The following NAALADL2 variants were observed in gnomAD, a reference collection of about 807,000 sequenced individuals.
NAALADL2 encodes the protein N-acetylated alpha-linked acidic dipeptidase like 2.
Under a neutral mutation model 87.2 loss-of-function variants are expected in NAALADL2, and 76 were observed. The observed-to-expected ratio is 0.87, with a 90% confidence interval of 0.72 to 1.05. The LOEUF (loss-of-function observed/expected upper bound fraction) is 1.05, where lower values mean the gene tolerates loss of function less well. NAALADL2 is among the 50% of genes least tolerant of loss of function. The probability of loss-of-function intolerance (pLI) is 0.00; values close to 1 mark genes in which losing one functional copy is unlikely to be tolerated. For synonymous variants in NAALADL2, 354 were observed against 331.0 expected (o/e 1.07, Z -0.75); for missense variants, 1,089 against 945.8 (o/e 1.15, Z -1.99).
intron 4 of NAALADL2, among the ~76,000 whole-genome samples, chr3:175,280,593 A>G (rs1199161796): frequency 6.6e-6 from 1 of 152,094 alleles, no homozygotes. Context: ...TATTGTTACC[A>G]CTGAATAATT....
At chr3:174,700,779 A>G (rs1026390005) in intron 2 of NAALADL2, among the ~76,000 whole-genome samples, 4 of 152,206 alleles carry the variant, frequency 2.6e-5, no homozygotes, top group African/African-American at 7.2e-5. Context: ...ACTGATTTAT[A>G]TGATATAGAG....
chr3:175,736,034 T>C (rs547771459), intron 11 of NAALADL2, among the ~76,000 whole-genome samples: 116 of 152,326 alleles, frequency 7.6e-4, no homozygotes, highest in African/African-American at 2.5e-3. Context: ...ATAAGATATG[T>C]AGGGACATTC....
chr3:174,967,630 AG>A (rs1743071601), intron 1 of NAALADL2, among the ~76,000 whole-genome samples: 1 of 152,180 alleles, frequency 6.6e-6, no homozygotes, highest in African/African-American at 2.4e-5. Flanking sequence ...AAAGAAACCA[AG>A]GTTACTTTCC....
rs147118514 is a variant in NAALADL2, at chr3:174,576,848, A to T, written c.-115+26211A>T. Among the ~76,000 whole-genome samples the T allele has an allele frequency of 6.1e-3, 929 of 152,276 alleles. 7 individuals carry two copies. Among genetic ancestry groups the T allele is most frequent in the African/African-American group, 0.022 (899 of 41,572 alleles). On this transcript the variant is annotated intron_variant, in intron 2 of 3. Transcript: ENST00000434257. ...GGTATGCCATTTCCTTTATTATGAC[A>T]GTCAATTGCATTCTGCAATGTGATA...
chr3:175,750,390 C>T (rs1448110912), intron 12 of NAALADL2, among the ~76,000 whole-genome samples: 4 of 152,142 alleles, frequency 2.6e-5, no homozygotes, highest in African/African-American at 2.4e-5. Flanking sequence ...TAACATTTCT[C>T]TCTCTCTTCT....
At chr3:174,481,438 A>G (rs1011100197) in intron 1 of NAALADL2, among the ~76,000 whole-genome samples, 2 of 152,040 alleles carry the variant, frequency 1.3e-5, no homozygotes, top group Non-Finnish European at 1.5e-5. Context: ...TTTAAGGGGA[A>G]GAGTGTTTAC....
rs553674420 is a variant in NAALADL2, at chr3:174,771,001, G to C, written c.-9+33255G>C. On this transcript the variant is annotated intron_variant, in intron 3 of 3. Transcript: ENST00000434257. ...GCCTTTTTGTTAAAAGATAATAATT[G>C]ATAAGTTTCAGTCTGAGCTTTGTCC... 2.5e-3 allele frequency among the ~76,000 whole-genome samples: 380 copies of C among 152,144 alleles called. 1 individual carries two copies. The highest frequency in any genetic ancestry group is 4.1e-3 in the Non-Finnish European group (277 of 68,014).
intron 1 of NAALADL2, among the ~76,000 whole-genome samples, chr3:174,902,227 T>A (rs1435657702): frequency 6.6e-6 from 1 of 152,130 alleles, no homozygotes; most frequent in Non-Finnish European, 1.5e-5. Context: ...AACAGATACA[T>A]CCAATAACCT....
intron 11 of NAALADL2, among the ~76,000 whole-genome samples, chr3:175,674,033 T>C (rs1209181741): frequency 2.0e-5 from 3 of 152,090 alleles, no homozygotes; most frequent in Non-Finnish European, 4.4e-5. Context: ...CCTGAAAAAA[T>C]GGAGATCCTA....
At chr3:174,716,563 C>T (rs1731209247) in intron 2 of NAALADL2, among the ~76,000 whole-genome samples, 1 of 151,346 alleles carries the variant, frequency 6.6e-6, no homozygotes, top group East Asian at 1.9e-4. Flanking sequence ...TTTTTTATTG[C>T]ATTATAATAG....
At chr3:175,727,579 G>C (rs1743104957) in intron 11 of NAALADL2, among the ~76,000 whole-genome samples, 1 of 152,152 alleles carries the variant, frequency 6.6e-6, no homozygotes, top group African/African-American at 2.4e-5. Flanking sequence ...TTTGCTAAAA[G>C]ATAACCTACC....
Position 174,700,216 on chromosome 3 carries a change from A to G in NAALADL2, c.-114-37425A>G, listed in dbSNP as rs556995764. On this transcript the variant is annotated intron_variant, in intron 2 of 3. Coordinates refer to the NAALADL2 transcript ENST00000434257. ...AAAGTGGAAGTTCCATAGTTTGTAG[A>G]TTTTTTGCCACAGTTTTTTTTTTTT... is the stretch of plus-strand genomic sequence containing the variant. 8.8e-5 allele frequency among the ~76,000 whole-genome samples: 12 copies of G among 136,816 alleles called. No individual in the cohort carries two copies. The East Asian group carries it at 2.9e-3, about 33-fold the overall frequency. The allele number at this position is 136,816 out of a possible 152,430, so 89.8% of individuals were successfully genotyped here.
At chr3:175,230,654 C>A (rs1304627209) in intron 2 of NAALADL2, among the ~76,000 whole-genome samples, 1 of 152,022 alleles carries the variant, frequency 6.6e-6, no homozygotes, top group East Asian at 1.9e-4. Flanking sequence ...GTATATCCTG[C>A]AATCCGGCAG....
chr3:174,895,771 C>G (rs1005580743), intron 1 of NAALADL2, among the ~76,000 whole-genome samples: 4 of 151,984 alleles, frequency 2.6e-5, no homozygotes, highest in Admixed American at 1.3e-4. Flanking sequence ...GCCAATAACT[C>G]TGATAAATAT....
intron 5 of NAALADL2, among the ~76,000 whole-genome samples, chr3:175,435,647 G>C (rs1718508937): frequency 6.6e-6 from 1 of 151,952 alleles, no homozygotes; most frequent in South Asian, 2.1e-4. Flanking sequence ...ATATATTATA[G>C]TCCTTTGTCC....
At chr3:174,646,979 G>A (rs941367437) in intron 2 of NAALADL2, among the ~76,000 whole-genome samples, 10 of 152,038 alleles carry the variant, frequency 6.6e-5, no homozygotes, top group Admixed American at 2.0e-4. Context: ...CTAACTCACT[G>A]TTAACATTCA....
At chr3:175,685,831 A>C (rs541380106) in intron 11 of NAALADL2, among the ~76,000 whole-genome samples, 2 of 152,276 alleles carry the variant, frequency 1.3e-5, no homozygotes, top group East Asian at 3.9e-4. Context: ...TTCTTGTTCT[A>C]TTCAGGCTTT....
intron 2 of NAALADL2, among the ~76,000 whole-genome samples, chr3:175,135,507 C>T (rs1728978190): frequency 6.6e-6 from 1 of 151,718 alleles, no homozygotes; most frequent in Admixed American, 6.6e-5. Flanking sequence ...TTTTTGCTGG[C>T]TTATGAAGAT....
chr3:174,538,747 C>T (rs566146336), intron 1 of NAALADL2, among the ~76,000 whole-genome samples: 186 of 152,206 alleles, frequency 1.2e-3, no homozygotes, highest in African/African-American at 4.0e-3. Flanking sequence ...CAGACCTTCC[C>T]TTCTATTGAT....
Sources: allele counts gnomAD v4.1 joint callset (sites outside exome capture counted in the v4.1 genomes callset), GRCh38; gene constraint gnomAD v4.1.1; transcripts MANE v1.5; gene names NCBI Gene and HGNC (gene_info 2026-07-23, HGNC 2026-07-21).